Variants in DCAF8L2 observed in about 807,000 individuals in gnomAD.
The protein encoded by DCAF8L2 is DDB1 and CUL4 associated factor 8 like 2.
For missense variants in DCAF8L2, 430 were observed against 490.7 expected (o/e 0.88, Z 1.17); for synonymous variants, 200 against 190.9 (o/e 1.05, Z -0.39).
At chrX:27,513,068 A>G in the DCAF8L2 span, among the ~76,000 whole-genome samples, 1 of 111,526 alleles carries the variant, frequency 9.0e-6, no homozygotes, top group Non-Finnish European at 1.9e-5. Context: ...CTAGACCCCT[A>G]TCTCTCACCA....
intron 4 of DCAF8L2, among the ~76,000 whole-genome samples, chrX:27,721,039 T>A (rs1159490035): frequency 8.9e-6 from 1 of 111,945 alleles, no homozygotes; most frequent in African/African-American, 3.2e-5. Flanking sequence ...ATTGTAAGCT[T>A]GAAAAGTGTG....
intron 4 of DCAF8L2, among the ~76,000 whole-genome samples, chrX:27,735,728 C>T (rs1879027989): frequency 9.0e-6 from 1 of 111,332 alleles, no homozygotes; most frequent in Non-Finnish European, 1.9e-5. Flanking sequence ...AATTCAGCTT[C>T]CCAAACTCTG....
the DCAF8L2 span, chrX:27,519,222 A>G: frequency 5.8e-6 from 6 of 1,028,163 alleles, no homozygotes; most frequent in East Asian, 1.8e-4. Context: ...AGATTGAAGA[A>G]CGGACAATTA....
intron 1 of DCAF8L2, among the ~76,000 whole-genome samples, chrX:27,620,032 C>T (rs1927681411): frequency 9.0e-6 from 1 of 110,892 alleles, no homozygotes; most frequent in Non-Finnish European, 1.9e-5. Flanking sequence ...TTTAAAGTTA[C>T]AAAAATTATT....
chrX:27,514,668 C>CAAAAAAAAAAAAAAAAAA, the DCAF8L2 span, among the ~76,000 whole-genome samples: 1 of 2,528 alleles, frequency 4.0e-4, no homozygotes, highest in African/African-American at 1.2e-3. Flanking sequence ...GACTCCGTCT[C>CAAAAAAAAAAAAAAAAAA]AAAAAAAAAA....
chrX:27,747,752 C>T lies in DCAF8L2; in HGVS notation c.857C>T (p.Ser286Phe), dbSNP rs1922326746. 2 of 1,210,755 alleles carry T rather than the reference C, an allele frequency of 1.7e-6. No individual in the cohort carries two copies. Among genetic ancestry groups the T allele is most frequent in the Non-Finnish European group, 2.2e-6 (2 of 894,752 alleles). The change falls in exon 5 of 5, where the codon TCC (serine) becomes TTC (phenylalanine). Residue 286 changes from serine to phenylalanine, a missense_variant. Transcript: ENST00000451261. Reference sequence around the variant, plus strand: ...AAGTTCCTTCCTAACTGTGGTGATTCCACTCTGGCCATGTGTGCCCGTGAT... The same window carrying T: ...AAGTTCCTTCCTAACTGTGGTGATTTCACTCTGGCCATGTGTGCCCGTGAT... Reference protein sequence around the residue: ...QAKFLPNCGDSTLAMCARDGQ... With the variant: ...QAKFLPNCGDFTLAMCARDGQ...
At chrX:27,647,831 G>A (rs969695079) in intron 2 of DCAF8L2, among the ~76,000 whole-genome samples, 1 of 111,521 alleles carries the variant, frequency 9.0e-6, no homozygotes, top group African/African-American at 3.3e-5. Context: ...CTAGACTTGG[G>A]TTCAGGGAAG....
chrX:27,740,742 T>G (rs1488840724), intron 4 of DCAF8L2, among the ~76,000 whole-genome samples: 1 of 112,126 alleles, frequency 8.9e-6, no homozygotes, highest in African/African-American at 3.2e-5. Context: ...TCATTTGCCC[T>G]CTACTTAAAT....
At chrX:27,723,776 A>C (rs1931981366) in intron 4 of DCAF8L2, among the ~76,000 whole-genome samples, 1 of 111,488 alleles carries the variant, frequency 9.0e-6, no homozygotes, top group Non-Finnish European at 1.9e-5. Flanking sequence ...TTACTCATTG[A>C]GACACTGTAA....
At chrX:27,581,589 A>ATTT in the DCAF8L2 span, among the ~76,000 whole-genome samples, 335 of 95,104 alleles carry the variant, frequency 3.5e-3, 2 homozygotes, top group South Asian at 0.061. Context: ...ATTTAATACA[A>ATTT]TTTTTTTTTT....
At chrX:27,547,855 CTCTCTCTCTCTCTCTT>C in the DCAF8L2 span, among the ~76,000 whole-genome samples, 1 of 72,513 alleles carries the variant, frequency 1.4e-5, no homozygotes, top group Non-Finnish European at 2.6e-5. Context: ...TTCTCTCTCT[CTCTCTCTCTCTCTCTT>C]TCTCTCTCTC....
chrX:27,653,756 ACACAC>A (rs1929241941), intron 2 of DCAF8L2, among the ~76,000 whole-genome samples: 1 of 107,800 alleles, frequency 9.3e-6, no homozygotes, highest in Admixed American at 1.0e-4. Context: ...ACACACACAC[ACACAC>A]AACATATATT....
chrX:27,636,800 T>C (rs1387529354), intron 2 of DCAF8L2, among the ~76,000 whole-genome samples: 2 of 111,989 alleles, frequency 1.8e-5, no homozygotes, highest in African/African-American at 6.5e-5. Flanking sequence ...TATTTACAAA[T>C]GTATCTGCTG....
At position 27,746,904 on chromosome X, in the gene DCAF8L2, C is replaced by T. The variant is rs767550922; in HGVS notation, c.9C>T (p.His3=). The change falls in exon 5 of 5, where the codon CAC becomes CAT. Residue 3 remains histidine, a synonymous_variant. Coordinates refer to ENST00000451261, the MANE Select transcript of DCAF8L2 (RefSeq NM_001353450.2). ...AGCAAACATCGTTCAAGATGTCCCA[C>T]CAAGAAGGCAGCACAGACGGCTTAC... The part of the protein sequence containing the change: MS[H]QEGSTDGLPD... 1 of 1,193,459 alleles carries T rather than the reference C, an allele frequency of 8.4e-7. No individual in the cohort carries two copies. Among genetic ancestry groups the T allele is most frequent in the African/African-American group, 1.8e-5 (1 of 55,870 alleles).
the DCAF8L2 span, among the ~76,000 whole-genome samples, chrX:27,517,506 AAAAAG>A: frequency 1.9e-4 from 21 of 111,266 alleles, no homozygotes; most frequent in South Asian, 7.6e-3. Context: ...AGAAAAAAAA[AAAAAG>A]AAAAGAAAGA....
the DCAF8L2 span, among the ~76,000 whole-genome samples, chrX:27,581,422 A>G: frequency 9.0e-6 from 1 of 111,423 alleles, no homozygotes; most frequent in Non-Finnish European, 1.9e-5. Context: ...TTTCTAATAT[A>G]TCTTTACTTG....
chrX:27,588,016 A>ATATATATATATATATATAT (rs1569152546), upstream of DCAF8L2, among the ~76,000 whole-genome samples: 11 of 100,123 alleles, frequency 1.1e-4, no homozygotes, highest in African/African-American at 3.0e-4. Flanking sequence ...ATATATATAT[A>ATATATATATATATATATAT]ATTTCAAAGT....
Position 27,747,303 on chromosome X carries a change from G to A in DCAF8L2, c.408G>A (p.Glu136=), listed in dbSNP as rs762796778. The A allele has an allele frequency of 2.7e-6, 3 of 1,113,560 alleles. No homozygotes were observed. Among genetic ancestry groups the A allele is most frequent in the Non-Finnish European group, 3.6e-6 (3 of 843,545 alleles). The allele number at this position is 1,113,560 out of a possible 1,213,427, so 91.8% of individuals were successfully genotyped here. A position where few individuals can be genotyped will look rare whatever the true frequency, so the allele number is the denominator to read the frequency against. The change falls in exon 5 of 5, where the codon GAG becomes GAA. Residue 136 remains glutamate, a synonymous_variant. Coordinates refer to ENST00000451261, the MANE Select transcript of DCAF8L2 (RefSeq NM_001353450.2). ...AGGAAGAGGAGGAGGAGGAGGAGGA[G>A]GAGGAGGAGGAGGAGGAGGAGGAGG... ...EEEEEEEEEE[E]EEEEEEEEEE... is the part of the protein sequence containing the mutation.
intron 3 of DCAF8L2, among the ~76,000 whole-genome samples, chrX:27,683,366 G>A (rs1336361720): frequency 8.9e-6 from 1 of 111,874 alleles, no homozygotes; most frequent in East Asian, 2.8e-4. Flanking sequence ...GATATGGGAA[G>A]TGAATAGTAT....
Sources: allele counts gnomAD v4.1 joint callset (sites outside exome capture counted in the v4.1 genomes callset), GRCh38; gene constraint gnomAD v4.1.1; transcripts MANE v1.5; gene names NCBI Gene and HGNC (gene_info 2026-07-23, HGNC 2026-07-21).